The following GNAO1 variants were observed in gnomAD, a reference collection of about 807,000 sequenced individuals.
The protein encoded by GNAO1 is G protein subunit alpha o1.
For synonymous variants in GNAO1, 164 were observed against 180.7 expected (o/e 0.91, Z 0.74); for missense variants, 166 against 478.7 (o/e 0.35, Z 6.10).
intron 3 of GNAO1, chr16:56,301,117 G>C (rs1465496182): frequency 6.6e-6 from 1 of 152,276 alleles, no homozygotes; most frequent in Non-Finnish European, 1.5e-5. Context: ...TGTGGCTGGG[G>C]TGGATACAGG....
At chr16:56,231,198 A>G (rs1199568600) in intron 2 of GNAO1, among the ~76,000 whole-genome samples, 8 of 152,152 alleles carry the variant, frequency 5.3e-5, no homozygotes, top group South Asian at 2.1e-4. Context: ...AGCCTACTCC[A>G]TGGCCAGGCC....
chr16:56,354,866 G>A lies in GNAO1; in HGVS notation c.878G>A (p.Gly293Asp). 6.2e-7 allele frequency: 1 copy of A among 1,606,726 alleles called. No individual in the cohort carries two copies. Among genetic ancestry groups the A allele is most frequent in the Non-Finnish European group, 8.5e-7 (1 of 1,173,984 alleles). The change falls in exon 8 of 9, where the codon GGC becomes GAC. Residue 293 changes from glycine to aspartate, a missense_variant and splice_region_variant. Gly to Asp is a moderately conservative substitution (Grantham distance 94). Transcript: ENST00000262493. The surrounding 1 kb of genome is among the most constrained non-coding windows in gnomAD (Gnocchi z 4.3). ...PLTICFPEYT[G>D]PNTYEDAAAY... ...CCCGTTCTTCTGTGTCTTGTTACAG[G>A]CCCCAATACCTATGAAGACGCAGCC... is the stretch of plus-strand genomic sequence containing the variant.
chr16:56,261,464 T>C (rs963940162), intron 2 of GNAO1, among the ~76,000 whole-genome samples: 1 of 152,178 alleles, frequency 6.6e-6, no homozygotes, highest in African/African-American at 2.4e-5. Flanking sequence ...TGTCCTTCTC[T>C]GCCCAATCAC....
chr16:56,291,518 G>A (rs946702963), intron 3 of GNAO1, among the ~76,000 whole-genome samples: 5 of 152,060 alleles, frequency 3.3e-5, no homozygotes, highest in Non-Finnish European at 5.9e-5. Flanking sequence ...TTAGATATGC[G>A]ATTTGCAAAT....
intron 3 of GNAO1, among the ~76,000 whole-genome samples, chr16:56,325,650 G>A (rs1239472776): frequency 6.6e-6 from 1 of 152,084 alleles, no homozygotes; most frequent in East Asian, 1.9e-4. Flanking sequence ...GAAGGCGGCT[G>A]GAGGAAGGAC....
At chr16:56,336,239 C>G (rs1177673643) in intron 5 of GNAO1, 1 of 157,094 alleles carries the variant, frequency 6.4e-6, no homozygotes, top group African/African-American at 2.4e-5. Context: ...CCCAGCTCCA[C>G]CACAGCTGGA....
At chr16:56,335,194 A>C (rs12449086) in intron 5 of GNAO1, among the ~76,000 whole-genome samples, 49,462 of 151,930 alleles carry the variant, frequency 0.33, 8,383 homozygotes, top group South Asian at 0.41. Flanking sequence ...CCTTGGGGGG[A>C]GGAGCCAAGA....
At chr16:56,261,173 T>TA (rs2036900335) in intron 2 of GNAO1, among the ~76,000 whole-genome samples, 1 of 152,188 alleles carries the variant, frequency 6.6e-6, no homozygotes, top group East Asian at 1.9e-4. Context: ...GACTTTACCA[T>TA]AAGCAGTCCT....
At chr16:56,256,686 G>GTCTCTC (rs1172369417) in intron 2 of GNAO1, among the ~76,000 whole-genome samples, 16 of 136,428 alleles carry the variant, frequency 1.2e-4, no homozygotes, top group Non-Finnish European at 2.2e-4. Context: ...CTTTCTCTCT[G>GTCTCTC]TCTCTCTCTC....
At chr16:56,198,316 TC>T in intron 2 of GNAO1, among the ~76,000 whole-genome samples, 1 of 152,182 alleles carries the variant, frequency 6.6e-6, no homozygotes, top group East Asian at 1.9e-4. Context: ...TTTTCTTCCA[TC>T]CCTCTCATTC....
Position 56,354,019 on chromosome 16 carries a change from C to T in GNAO1, c.878-847C>T, listed in dbSNP as rs1245159988. Among the ~76,000 whole-genome samples, 1 of 152,232 alleles carries T rather than the reference C, an allele frequency of 6.6e-6. No individual in the cohort carries two copies. Among genetic ancestry groups the T allele is most frequent in the Non-Finnish European group, 1.5e-5 (1 of 68,042 alleles). ...AATGTCCTGGCCACTCGCTTAAGAA[C>T]CACGCCTACTAATGATATGCTGCCA... On this transcript the variant is annotated intron_variant, in intron 7 of 8. Transcript: ENST00000262493. The surrounding 1 kb of genome is among the most constrained non-coding windows in gnomAD (Gnocchi z 4.3).
At chr16:56,261,719 C>T (rs1275464722) in intron 2 of GNAO1, among the ~76,000 whole-genome samples, 6 of 152,090 alleles carry the variant, frequency 3.9e-5, no homozygotes, top group South Asian at 4.2e-4. Flanking sequence ...TTGGCTCAGC[C>T]GCTGCAAAAT....
chr16:56,329,894 A>G (rs2037672165), intron 4 of GNAO1, among the ~76,000 whole-genome samples: 1 of 152,160 alleles, frequency 6.6e-6, no homozygotes. Flanking sequence ...GATGCTGTTA[A>G]ACACCCCATA....
intron 2 of GNAO1, among the ~76,000 whole-genome samples, chr16:56,227,508 C>G (rs774990678): frequency 1.6e-4 from 25 of 152,166 alleles, no homozygotes; most frequent in Middle Eastern, 3.4e-3. Context: ...CCTAAGACAT[C>G]ACTGTGCTTC....
chr16:56,216,575 C>T (rs1474479190), intron 2 of GNAO1, among the ~76,000 whole-genome samples: 1 of 152,238 alleles, frequency 6.6e-6, no homozygotes, highest in Non-Finnish European at 1.5e-5. Flanking sequence ...CAAGTCTTGT[C>T]TCTGCCACCT....
intron 3 of GNAO1, among the ~76,000 whole-genome samples, chr16:56,280,649 G>A (rs564047014): frequency 4.1e-4 from 62 of 152,302 alleles, no homozygotes; most frequent in African/African-American, 5.8e-4. Flanking sequence ...AACAGACCAC[G>A]AATAAGGTGC....
intron 3 of GNAO1, among the ~76,000 whole-genome samples, chr16:56,324,196 A>T (rs1297157158): frequency 6.6e-6 from 1 of 152,242 alleles, no homozygotes; most frequent in African/African-American, 2.4e-5. Context: ...CAGGCCACAC[A>T]TGGAAGCTCA....
chr16:56,262,671 T>C (rs1159046293), intron 2 of GNAO1, among the ~76,000 whole-genome samples: 3 of 152,198 alleles, frequency 2.0e-5, no homozygotes, highest in African/African-American at 7.2e-5. Flanking sequence ...GTTTATATAC[T>C]AAACATAATG....
intron 2 of GNAO1, among the ~76,000 whole-genome samples, chr16:56,214,538 C>G (rs1336193237): frequency 1.3e-5 from 2 of 152,192 alleles, no homozygotes; most frequent in African/African-American, 4.8e-5. Context: ...ATAATTATTG[C>G]TTAGGATGAA....
Sources: allele counts gnomAD v4.1 joint callset (sites outside exome capture counted in the v4.1 genomes callset), GRCh38; gene constraint gnomAD v4.1.1; non-coding constraint Gnocchi (gnomAD v3.1); transcripts MANE v1.5; gene names NCBI Gene and HGNC (gene_info 2026-07-23, HGNC 2026-07-21).